ZCCHC7: variants seen among roughly 807,000 people sequenced by gnomAD.
ZCCHC7 encodes the protein zinc finger CCHC-type containing 7, also known as zinc finger CCHC domain-containing protein 7.
Under a neutral mutation model 52.0 loss-of-function variants are expected in ZCCHC7, and 35 were observed. That is an observed-to-expected ratio of 0.67 (90% CI 0.51 to 0.89). ZCCHC7 has a LOEUF of 0.89. ZCCHC7 is among the 40% of genes least tolerant of loss of function. The pLI, the probability that ZCCHC7 is intolerant of heterozygous loss-of-function variation, is 0.00. For missense variants in ZCCHC7, 574 were observed against 649.1 expected (o/e 0.88, Z 1.26); for synonymous variants, 217 against 221.5 (o/e 0.98, Z 0.18).
intron 2 of ZCCHC7, among the ~76,000 whole-genome samples, chr9:37,175,210 A>G (rs1372452229): frequency 1.3e-5 from 2 of 152,200 alleles, no homozygotes; most frequent in African/African-American, 4.8e-5. Context: ...TACTATGAGA[A>G]TATATAAATA....
chr9:37,303,061 C>G (rs1261063838), intron 3 of ZCCHC7, among the ~76,000 whole-genome samples: 1 of 152,174 alleles, frequency 6.6e-6, no homozygotes, highest in Non-Finnish European at 1.5e-5. Context: ...CATAAAAACA[C>G]CATTCCCTAA....
At chr9:37,313,506 T>G (rs957279466) in intron 5 of ZCCHC7, among the ~76,000 whole-genome samples, 2 of 152,222 alleles carry the variant, frequency 1.3e-5, no homozygotes, top group African/African-American at 4.8e-5. Flanking sequence ...TGTGACCTTA[T>G]GTAAATAATT....
chr9:37,162,216 C>T (rs1045926739), intron 2 of ZCCHC7, among the ~76,000 whole-genome samples: 1 of 151,870 alleles, frequency 6.6e-6, no homozygotes, highest in African/African-American at 2.4e-5. Flanking sequence ...TAGAATTATA[C>T]ATAATATACT....
chr9:37,270,682 C>CA (rs766670950), intron 2 of ZCCHC7, among the ~76,000 whole-genome samples: 1,037 of 95,862 alleles, frequency 0.011, 8 homozygotes, highest in African/African-American at 0.025. Flanking sequence ...AACTTTGTCT[C>CA]AAAAAAAAAA....
intron 2 of ZCCHC7, among the ~76,000 whole-genome samples, chr9:37,138,396 C>T (rs1744319964): frequency 6.6e-6 from 1 of 152,116 alleles, no homozygotes; most frequent in Admixed American, 6.5e-5. Flanking sequence ...TATTGTATAT[C>T]ACTAATTTCT....
At chr9:37,234,853 A>G (rs1825569499) in intron 2 of ZCCHC7, among the ~76,000 whole-genome samples, 1 of 152,182 alleles carries the variant, frequency 6.6e-6, no homozygotes, top group South Asian at 2.1e-4. Context: ...TCTTTTAACA[A>G]TTTATTGAAT....
intron 2 of ZCCHC7, among the ~76,000 whole-genome samples, chr9:37,133,864 T>G (rs532490026): frequency 6.6e-6 from 1 of 152,102 alleles, no homozygotes; most frequent in Non-Finnish European, 1.5e-5. Flanking sequence ...GCCAGAATTA[T>G]AGGCGTGAGC....
chr9:37,231,289 A>T (rs1413563449), intron 2 of ZCCHC7, among the ~76,000 whole-genome samples: 2 of 152,194 alleles, frequency 1.3e-5, no homozygotes, highest in Non-Finnish European at 2.9e-5. Flanking sequence ...CTAGTTACGT[A>T]TATTAATTTG....
chr9:37,290,933 AAAAC>A (rs1331847960), intron 2 of ZCCHC7, among the ~76,000 whole-genome samples: 1 of 152,234 alleles, frequency 6.6e-6, no homozygotes, highest in Non-Finnish European at 1.5e-5. Context: ...ATTTTTTAAA[AAAAC>A]AGAAGAATGA....
chr9:37,256,276 G>T (rs576310246), intron 2 of ZCCHC7, among the ~76,000 whole-genome samples: 2 of 152,266 alleles, frequency 1.3e-5, no homozygotes, highest in East Asian at 1.9e-4. Flanking sequence ...CTAGCCAACA[G>T]CCTACAATGG....
intron 2 of ZCCHC7, among the ~76,000 whole-genome samples, chr9:37,201,378 T>C (rs191453198): frequency 1.3e-5 from 2 of 152,366 alleles, no homozygotes; most frequent in East Asian, 3.9e-4. Context: ...CTTCCTTTAT[T>C]GTCAGCATAT....
At chr9:37,245,462 C>T (rs2133373034) in intron 2 of ZCCHC7, among the ~76,000 whole-genome samples, 1 of 152,082 alleles carries the variant, frequency 6.6e-6, no homozygotes, top group East Asian at 1.9e-4. Context: ...TAACAGTAAA[C>T]TAAATTCAAT....
At chr9:37,297,549 T>C (rs1312698968) in intron 2 of ZCCHC7, among the ~76,000 whole-genome samples, 1 of 152,218 alleles carries the variant, frequency 6.6e-6, no homozygotes, top group Non-Finnish European at 1.5e-5. Flanking sequence ...TGGTGAAATA[T>C]AATAATGAGT....
At chr9:37,231,993 C>G (rs1282021085) in intron 2 of ZCCHC7, among the ~76,000 whole-genome samples, 4 of 152,156 alleles carry the variant, frequency 2.6e-5, no homozygotes, top group Non-Finnish European at 5.9e-5. Context: ...CTGGTTGTCA[C>G]ATTTCTGCAA....
At chr9:37,337,412 C>G (rs1448806821) in intron 6 of ZCCHC7, among the ~76,000 whole-genome samples, 1 of 120,666 alleles carries the variant, frequency 8.3e-6, no homozygotes, top group African/African-American at 3.1e-5. Context: ...CCCCCCCCCC[C>G]CCCAAAAAAA....
chr9:37,275,746 G>A (rs537462103), intron 2 of ZCCHC7, among the ~76,000 whole-genome samples: 13 of 152,214 alleles, frequency 8.5e-5, no homozygotes, highest in African/African-American at 2.4e-4. Flanking sequence ...AGGTTCAAGC[G>A]ATTCTCCTGT....
chr9:37,216,922 A>G (rs961157632), intron 2 of ZCCHC7, among the ~76,000 whole-genome samples: 4 of 152,168 alleles, frequency 2.6e-5, no homozygotes, highest in Non-Finnish European at 5.9e-5. Context: ...TCTAATAATA[A>G]TTATTAAATT....
At chr9:37,245,188 T>C (rs1359525895) in intron 2 of ZCCHC7, among the ~76,000 whole-genome samples, 4 of 151,948 alleles carry the variant, frequency 2.6e-5, no homozygotes. Context: ...ACTTTAAAGA[T>C]AAACTTTATT....
intron 2 of ZCCHC7, among the ~76,000 whole-genome samples, chr9:37,216,735 C>G (rs566832557): frequency 6.6e-6 from 1 of 152,070 alleles, no homozygotes; most frequent in Admixed American, 6.6e-5. Context: ...ATCTCATTGC[C>G]CATGGCATAA....
Sources: allele counts gnomAD v4.1 joint callset (sites outside exome capture counted in the v4.1 genomes callset), GRCh38; gene constraint gnomAD v4.1.1; transcripts MANE v1.5; gene names NCBI Gene and HGNC (gene_info 2026-07-23, HGNC 2026-07-21).